The following DMC1 variants were observed in gnomAD, a reference collection of about 807,000 sequenced individuals.
DMC1 encodes the protein meiotic recombination protein DMC1 homolog.
In DMC1, 27 loss-of-function variants were observed where a neutral mutation model predicts 50.1. That is an observed-to-expected ratio of 0.54 (90% CI 0.40 to 0.74). The LOEUF is 0.74. Among genes scored for constraint, DMC1 ranks in the 30% least tolerant of loss-of-function variants. DMC1 has a pLI of 0.00. For missense variants in DMC1, 295 were observed against 420.2 expected (o/e 0.70, Z 2.60); for synonymous variants, 148 against 136.1 (o/e 1.09, Z -0.61).
At chr22:38,569,640 T>C (rs2090618253) in intron 1 of DMC1, among the ~76,000 whole-genome samples, 1 of 152,220 alleles carries the variant, frequency 6.6e-6, no homozygotes, top group Non-Finnish European at 1.5e-5. Flanking sequence ...CAAGGAGCCG[T>C]TGATAGACTG....
At chr22:38,531,732 T>C (rs1045946241) in intron 12 of DMC1, among the ~76,000 whole-genome samples, 6 of 152,202 alleles carry the variant, frequency 3.9e-5, no homozygotes, top group East Asian at 1.9e-4. Flanking sequence ...GTGGAGGAGA[T>C]GATGTTTCAG....
At position 38,519,640 on chromosome 22, in the gene DMC1, G is replaced by C; in HGVS notation, c.*380C>G. 3.6e-6 allele frequency: 1 copy of C among 277,114 alleles called. No individual in the cohort carries two copies. Among genetic ancestry groups the C allele is most frequent in the South Asian group, 3.8e-5 (1 of 26,278 alleles). 17.2% of individuals were successfully genotyped at this position (277,114 alleles called of 1,614,324 possible). A position where few individuals can be genotyped will look rare whatever the true frequency, so the allele number is the denominator to read the frequency against. On this transcript the variant is annotated 3_prime_UTR_variant, in exon 14 of 14. Transcript: ENST00000216024. ...ACATTTCTGAACTCTTAGACTTTCT[G>C]TTTAGTGGCTCACTTTGAAAAGTGA... is the stretch of plus-strand genomic sequence containing the variant.
At chr22:38,565,647 A>T (rs373969208) in intron 4 of DMC1, among the ~76,000 whole-genome samples, 88 of 152,332 alleles carry the variant, frequency 5.8e-4, no homozygotes, top group African/African-American at 2.1e-3. Flanking sequence ...TTGCTGTCCA[A>T]CACCACTGGC....
intron 12 of DMC1, among the ~76,000 whole-genome samples, chr22:38,524,304 C>G (rs1364913666): frequency 1.3e-5 from 2 of 152,122 alleles, no homozygotes; most frequent in Non-Finnish European, 2.9e-5. Flanking sequence ...GTCCCAGCTA[C>G]TCAGGAAGCT....
chr22:38,556,389 C>T (rs934713251), intron 5 of DMC1, among the ~76,000 whole-genome samples: 2 of 152,092 alleles, frequency 1.3e-5, no homozygotes, highest in Admixed American at 6.6e-5. Context: ...CCATCATGCC[C>T]GGCTTCAGTT....
intron 4 of DMC1, among the ~76,000 whole-genome samples, chr22:38,565,686 C>G (rs760297147): frequency 2.0e-5 from 3 of 152,218 alleles, no homozygotes; most frequent in Non-Finnish European, 4.4e-5. Context: ...AAGAACCCTC[C>G]CAGGTTAAGC....
At chr22:38,520,263 C>A (rs940303990) in intron 13 of DMC1, among the ~76,000 whole-genome samples, 174 bp from the exon 14 acceptor site, 1 of 152,196 alleles carries the variant, frequency 6.6e-6, no homozygotes, top group Non-Finnish European at 1.5e-5. Context: ...CCCTCACAAA[C>A]ATTTATTGAG....
chr22:38,528,920 G>A (rs1488176654), intron 12 of DMC1, among the ~76,000 whole-genome samples: 2 of 152,158 alleles, frequency 1.3e-5, no homozygotes, highest in Non-Finnish European at 2.9e-5. Context: ...GACTATTACA[G>A]CAGTTATAAC....
At chr22:38,568,068 C>T in intron 2 of DMC1, 138 bp downstream of exon 2, 1 of 786,192 alleles carries the variant, frequency 1.3e-6, no homozygotes, top group Non-Finnish European at 2.2e-6. Context: ...CCTTGCCAAA[C>T]AAGTTGTTAC....
intron 8 of DMC1, among the ~76,000 whole-genome samples, chr22:38,543,325 G>T (rs1321591281): frequency 6.6e-6 from 1 of 151,744 alleles, no homozygotes; most frequent in African/African-American, 2.4e-5. Context: ...CACCTCCCAG[G>T]TTCACGCCAT....
intron 8 of DMC1, among the ~76,000 whole-genome samples, chr22:38,540,746 C>T (rs1220611516): frequency 6.6e-6 from 1 of 151,926 alleles, no homozygotes; most frequent in Non-Finnish European, 1.5e-5. Flanking sequence ...TTGAGTATAC[C>T]CAGTAGATGT....
chr22:38,518,315 T>G (rs900485626), downstream of DMC1, among the ~76,000 whole-genome samples: 1 of 152,190 alleles, frequency 6.6e-6, no homozygotes, highest in African/African-American at 2.4e-5. Context: ...ATTACACTGC[T>G]TATGAATTAA....
intron 12 of DMC1, among the ~76,000 whole-genome samples, chr22:38,529,112 G>A (rs888864083): frequency 1.2e-4 from 19 of 152,168 alleles, no homozygotes; most frequent in African/African-American, 3.9e-4. Flanking sequence ...CCAGGTTCAA[G>A]CGATTCTCGT....
chr22:38,547,822 A>AGCCACGGT (rs1198686030), intron 8 of DMC1, among the ~76,000 whole-genome samples: 2 of 152,226 alleles, frequency 1.3e-5, no homozygotes, highest in Non-Finnish European at 2.9e-5. Flanking sequence ...TACAGGCGTG[A>AGCCACGGT]GCCACGGTGC....
intron 12 of DMC1, among the ~76,000 whole-genome samples, chr22:38,535,242 T>A (rs1330430841): frequency 1.3e-5 from 2 of 150,566 alleles, no homozygotes; most frequent in Non-Finnish European, 3.0e-5. Context: ...GAGACTGCAG[T>A]GAGCTGGGAT....
At position 38,566,812 on chromosome 22, in the gene DMC1, C is replaced by T. The variant is rs926601854; in HGVS notation, c.97-76G>A. The T allele has an allele frequency of 6.1e-5, 89 of 1,455,666 alleles. 1 individual carries two copies. Among genetic ancestry groups the T allele is most frequent in the South Asian group, 3.5e-4 (30 of 86,320 alleles). The allele number at this position is 1,455,666 out of a possible 1,614,324, so 90.2% of individuals were successfully genotyped here. ...GGCTCCCATACTATGTCATGTGTTT[C>T]TGTGTCCATCTCCTTCCACCATGAT... On this transcript the variant is annotated intron_variant, in intron 3 of 13. Transcript: ENST00000216024.
At chr22:38,548,020 G>A (rs1306268336) in intron 8 of DMC1, among the ~76,000 whole-genome samples, 1 of 152,106 alleles carries the variant, frequency 6.6e-6, no homozygotes, top group East Asian at 1.9e-4. Flanking sequence ...ACAACTCATC[G>A]TCTTGAAACT....
At chr22:38,567,160 C>G (rs937689933) in intron 3 of DMC1, among the ~76,000 whole-genome samples, 4 of 152,018 alleles carry the variant, frequency 2.6e-5, no homozygotes, top group African/African-American at 9.7e-5. Context: ...ACTACATCAC[C>G]AAAGGACCAG....
intron 4 of DMC1, among the ~76,000 whole-genome samples, chr22:38,565,135 T>G (rs1262012704): frequency 2.0e-5 from 3 of 152,210 alleles, no homozygotes; most frequent in Non-Finnish European, 4.4e-5. Flanking sequence ...AGCTGGTACC[T>G]CTAGTGATTC....
Sources: gnomAD v4.1 joint callset for allele counts (sites outside exome capture counted in the v4.1 genomes callset) on GRCh38, gnomAD v4.1.1 for gene constraint, MANE v1.5 for transcripts, NCBI Gene and HGNC (gene_info 2026-07-23, HGNC 2026-07-21) for gene names.